The following TMEM132D variants were observed in gnomAD, a reference collection of about 807,000 sequenced individuals.
TMEM132D encodes the protein mature OL transmembrane protein.
TMEM132D carries 21 observed loss-of-function variants against 62.3 expected under a neutral mutation model. The observed-to-expected ratio is 0.34, with a 90% CI of 0.24 to 0.49. The LOEUF (loss-of-function observed/expected upper bound fraction) is 0.49. TMEM132D is among the 20% of genes least tolerant of loss of function. The pLI is 0.99. For synonymous variants in TMEM132D, 621 were observed against 575.6 expected, an observed-to-expected ratio of 1.08 and a Z score of -1.13; for missense variants, 1,346 against 1,402.8, an observed-to-expected ratio of 0.96 and a Z score of 0.65.
chr12:129,877,160 A>G (rs1441102180), intron 1 of TMEM132D, among the ~76,000 whole-genome samples: 1 of 24,906 alleles, frequency 4.0e-5, no homozygotes, highest in Non-Finnish European at 1.9e-4. Context: ...TAGTTTAACT[A>G]TGAATATTAT....
At chr12:129,787,233 C>T (rs1282754121) in intron 1 of TMEM132D, among the ~76,000 whole-genome samples, 1 of 152,086 alleles carries the variant, frequency 6.6e-6, no homozygotes, top group Non-Finnish European at 1.5e-5. Flanking sequence ...AACATTTTGG[C>T]TTCTTATAGT....
chr12:129,615,905 T>C (rs1190873108), intron 2 of TMEM132D, among the ~76,000 whole-genome samples: 1 of 152,040 alleles, frequency 6.6e-6, no homozygotes, highest in Non-Finnish European at 1.5e-5. Flanking sequence ...CTGGCTTGAG[T>C]TGAGTGGCAG....
intron 2 of TMEM132D, among the ~76,000 whole-genome samples, chr12:129,682,282 G>A (rs1880797020): frequency 6.6e-6 from 1 of 152,166 alleles, no homozygotes; most frequent in Non-Finnish European, 1.5e-5. Flanking sequence ...CACCAAGTGT[G>A]CTCAAGGTTC....
intron 1 of TMEM132D, among the ~76,000 whole-genome samples, chr12:129,823,777 T>C (rs1465152031): frequency 2.6e-5 from 4 of 152,202 alleles, no homozygotes; most frequent in African/African-American, 9.6e-5. Context: ...CAAACCTCAG[T>C]TTGTTAATAT....
chr12:129,594,122 G>A (rs1356819464), intron 2 of TMEM132D, among the ~76,000 whole-genome samples: 2 of 152,204 alleles, frequency 1.3e-5, no homozygotes, highest in Non-Finnish European at 2.9e-5. Flanking sequence ...GAGGGTACAT[G>A]AAGCAAACAG....
intron 3 of TMEM132D, among the ~76,000 whole-genome samples, chr12:129,434,887 C>A (rs745571325): frequency 5.9e-5 from 9 of 152,130 alleles, no homozygotes; most frequent in Non-Finnish European, 1.0e-4. Flanking sequence ...TATCACCCTA[C>A]AGTGCTGCAG....
chr12:129,477,245 G>A (rs1874290889), intron 3 of TMEM132D, among the ~76,000 whole-genome samples: 1 of 152,160 alleles, frequency 6.6e-6, no homozygotes, highest in Admixed American at 6.5e-5. Flanking sequence ...ACAGTCGTAA[G>A]ATGAGACGTT....
At chr12:129,576,757 C>A (rs1004922740) in intron 2 of TMEM132D, among the ~76,000 whole-genome samples, 1 of 151,794 alleles carries the variant, frequency 6.6e-6, no homozygotes, top group South Asian at 2.1e-4. Flanking sequence ...GGTAGCCTCA[C>A]CAGTAACAAA....
chr12:129,369,883 C>T (rs900263), intron 3 of TMEM132D, among the ~76,000 whole-genome samples: 47,106 of 152,086 alleles, frequency 0.31, 7,390 homozygotes, highest in East Asian at 0.33. Context: ...CCTTGTCACA[C>T]ATATAAGGAT....
chr12:129,556,788 T>G (rs1311154801), intron 2 of TMEM132D, among the ~76,000 whole-genome samples: 1 of 152,158 alleles, frequency 6.6e-6, no homozygotes, highest in African/African-American at 2.4e-5. Flanking sequence ...CTTTAAGAAC[T>G]CACAGCCACA....
chr12:129,382,184 CCAAA>C (rs1870971897), intron 3 of TMEM132D, among the ~76,000 whole-genome samples: 1 of 152,202 alleles, frequency 6.6e-6, no homozygotes, highest in Non-Finnish European at 1.5e-5. Context: ...TATCTGGTAA[CCAAA>C]CAAATTCAGA....
At chr12:129,888,745 C>T (rs1874825643) in intron 1 of TMEM132D, among the ~76,000 whole-genome samples, 1 of 152,136 alleles carries the variant, frequency 6.6e-6, no homozygotes, top group Non-Finnish European at 1.5e-5. Context: ...CTGTTGCTGT[C>T]CTGTTAACCA....
chr12:129,771,828 T>C (rs764880802), intron 1 of TMEM132D, among the ~76,000 whole-genome samples: 17 of 152,246 alleles, frequency 1.1e-4, no homozygotes, highest in Non-Finnish European at 2.4e-4. Context: ...TATACATGCA[T>C]GAAAGTTTAA....
At chr12:129,562,011 T>G (rs566933571) in intron 2 of TMEM132D, among the ~76,000 whole-genome samples, 1 of 152,348 alleles carries the variant, frequency 6.6e-6, no homozygotes, top group South Asian at 2.1e-4. Flanking sequence ...AATGCCACTT[T>G]ATTTTAATGA....
chr12:129,290,084 T>C (rs1302712582), intron 4 of TMEM132D, among the ~76,000 whole-genome samples: 1 of 152,224 alleles, frequency 6.6e-6, no homozygotes, highest in Non-Finnish European at 1.5e-5. Flanking sequence ...GTGTAACATG[T>C]TAACATTTAG....
chr12:129,229,811 C>T (rs902042264), intron 4 of TMEM132D, among the ~76,000 whole-genome samples: 8 of 152,168 alleles, frequency 5.3e-5, no homozygotes, highest in African/African-American at 1.9e-4. Flanking sequence ...GGGATTTCAG[C>T]AAGACTTATT....
At chr12:129,531,775 C>T (rs1472153) in intron 2 of TMEM132D, among the ~76,000 whole-genome samples, 31,381 of 152,138 alleles carry the variant, frequency 0.21, 3,510 homozygotes, top group Non-Finnish European at 0.25. Flanking sequence ...GGAGCTACTG[C>T]GCCCAGCCCT....
chr12:129,821,758 G>A (rs263298), intron 1 of TMEM132D, among the ~76,000 whole-genome samples: 137,934 of 152,110 alleles, frequency 0.91, 62,592 homozygotes, highest in African/African-American at 0.92. Flanking sequence ...GACTCTGCCC[G>A]TCTGTGGGCT....
rs142669735 is a variant in TMEM132D, at chr12:129,232,279, A to C, written c.1300-22616T>G. Reference sequence around the variant, plus strand: ...CTTCTACTCTGCTGGACCTGTGAACACACATGCACTCAGACATGGTTCAAG... The same window carrying C: ...CTTCTACTCTGCTGGACCTGTGAACCCACATGCACTCAGACATGGTTCAAG... On this transcript the variant is annotated intron_variant, in intron 4 of 8. Transcript: ENST00000422113. 1.6e-3 allele frequency among the ~76,000 whole-genome samples: 241 copies of C among 152,330 alleles called. 3 individuals are homozygous for C. The East Asian group carries it at 0.043, about 27-fold the overall frequency.
Sources: gnomAD v4.1 joint callset for allele counts (sites outside exome capture counted in the v4.1 genomes callset) on GRCh38, gnomAD v4.1.1 for gene constraint, MANE v1.5 for transcripts, NCBI Gene and HGNC (gene_info 2026-07-23, HGNC 2026-07-21) for gene names.